The following PTPRT variants were observed in gnomAD, a reference collection of about 807,000 sequenced individuals.
The protein encoded by PTPRT is protein tyrosine phosphatase receptor type T.
A neutral mutation model predicts 176.8 loss-of-function variants in PTPRT; 56 were observed. That is an observed-to-expected ratio of 0.32 (90% CI 0.26 to 0.40). PTPRT has a LOEUF of 0.40. PTPRT is among the 10% of genes least tolerant of loss of function. The pLI is 1.00. For missense variants in PTPRT, 1,540 were observed against 1,908.2 expected (o/e 0.81, Z 3.60); for synonymous variants, 783 against 739.0 (o/e 1.06, Z -0.96).
chr20:42,604,022 G>A (rs1294660902), intron 7 of PTPRT, among the ~76,000 whole-genome samples: 1 of 152,108 alleles, frequency 6.6e-6, no homozygotes, highest in African/African-American at 2.4e-5. Flanking sequence ...TAAAAGATTA[G>A]CACATAAATA....
At chr20:42,360,169 C>A (rs1302583942) in intron 9 of PTPRT, among the ~76,000 whole-genome samples, 1 of 152,184 alleles carries the variant, frequency 6.6e-6, no homozygotes, top group Non-Finnish European at 1.5e-5. Context: ...GCCTACCATG[C>A]ATATGGCTCT....
In PTPRT at chr20:43,185,461, T is replaced by C. The variant is rs527888844; in HGVS notation, c.88+4185A>G. ...CCAAATGTTGTGTCCTGACGCAATATGTAGCCATTTGTGGTTTATCAACAC... is the reference window on the plus strand; with the variant it reads ...CCAAATGTTGTGTCCTGACGCAATACGTAGCCATTTGTGGTTTATCAACAC... On this transcript the variant is annotated intron_variant, in intron 1 of 30. Transcript: ENST00000373187. Among the ~76,000 whole-genome samples, 13 of 152,328 alleles carry C rather than the reference T, an allele frequency of 8.5e-5. No individual in the cohort carries two copies. The South Asian group carries it at 2.7e-3, about 32-fold the overall frequency.
At chr20:42,261,876 C>A (rs972265783) in intron 13 of PTPRT, among the ~76,000 whole-genome samples, 1 of 152,164 alleles carries the variant, frequency 6.6e-6, no homozygotes, top group African/African-American at 2.4e-5. Flanking sequence ...CCATCTGGGG[C>A]AGCTTTGTCC....
chr20:42,811,319 C>T (rs1246485169), intron 2 of PTPRT, among the ~76,000 whole-genome samples: 2 of 151,736 alleles, frequency 1.3e-5, no homozygotes, highest in African/African-American at 4.8e-5. Context: ...TGAGGATGGG[C>T]GGATGGACGG....
intron 11 of PTPRT, among the ~76,000 whole-genome samples, chr20:42,334,107 C>A (rs953979532): frequency 6.6e-6 from 1 of 152,112 alleles, no homozygotes; most frequent in Non-Finnish European, 1.5e-5. Flanking sequence ...AGATCAAGAA[C>A]CTGTGAATCA....
chr20:42,682,249 AT>A (rs1230094331), intron 6 of PTPRT, among the ~76,000 whole-genome samples: 1 of 152,236 alleles, frequency 6.6e-6, no homozygotes, highest in Non-Finnish European at 1.5e-5. Flanking sequence ...AAACAGAAGT[AT>A]TTTTATGCAT....
chr20:42,538,483 T>C (rs1395580702), intron 7 of PTPRT, among the ~76,000 whole-genome samples: 1 of 152,166 alleles, frequency 6.6e-6, no homozygotes, highest in East Asian at 1.9e-4. Flanking sequence ...AACACAAGCA[T>C]GTAAAAGCAT....
At chr20:42,911,821 T>C (rs1022393376) in intron 1 of PTPRT, among the ~76,000 whole-genome samples, 2 of 152,136 alleles carry the variant, frequency 1.3e-5, no homozygotes, top group African/African-American at 4.8e-5. Flanking sequence ...CAAAGAACAT[T>C]TGGAACCAGA....
Position 42,556,581 on chromosome 20 carries a change from T to C in PTPRT, c.1154-84019A>G, listed in dbSNP as rs772365030. On this transcript the variant is annotated intron_variant, in intron 7 of 30. Transcript: ENST00000373187. Reference sequence around the variant, plus strand: ...ATATATATCCCCTATCTATAATAGATAGATGAAGAAATTAAAGCTCAGAGA... The same window carrying C: ...ATATATATCCCCTATCTATAATAGACAGATGAAGAAATTAAAGCTCAGAGA... Among the ~76,000 whole-genome samples, 4 of 151,978 alleles carry C rather than the reference T, an allele frequency of 2.6e-5. No homozygotes were observed. In the South Asian group the frequency reaches 6.2e-4, roughly 24 times the overall value.
At chr20:43,081,260 G>A (rs1338668448) in intron 1 of PTPRT, among the ~76,000 whole-genome samples, 1 of 152,180 alleles carries the variant, frequency 6.6e-6, no homozygotes, top group Non-Finnish European at 1.5e-5. Flanking sequence ...ATTTTGGGAG[G>A]AGGAGAAAGT....
At chr20:42,759,939 G>A (rs2076890889) in intron 5 of PTPRT, among the ~76,000 whole-genome samples, 1 of 152,154 alleles carries the variant, frequency 6.6e-6, no homozygotes, top group Non-Finnish European at 1.5e-5. Flanking sequence ...GTGCTTTCAG[G>A]AGAAAGGATA....
chr20:42,224,762 C>T (rs1354471665), intron 15 of PTPRT, among the ~76,000 whole-genome samples: 1 of 152,186 alleles, frequency 6.6e-6, no homozygotes, highest in Admixed American at 6.5e-5. Context: ...GAGTGCCCTC[C>T]CGCAAATACA....
intron 7 of PTPRT, among the ~76,000 whole-genome samples, chr20:42,537,390 G>A (rs1213669598): frequency 3.9e-5 from 6 of 152,182 alleles, no homozygotes; most frequent in Non-Finnish European, 8.8e-5. Context: ...TCTGTCAGGT[G>A]TTGACTCTGA....
intron 26 of PTPRT, among the ~76,000 whole-genome samples, chr20:42,101,321 CTCTG>C (rs1490583651): frequency 2.6e-5 from 4 of 152,218 alleles, no homozygotes; most frequent in African/African-American, 7.2e-5. Flanking sequence ...AAGTCTCTTT[CTCTG>C]TCTGGCCTCT....
intron 1 of PTPRT, among the ~76,000 whole-genome samples, chr20:42,922,169 C>T (rs1979188962): frequency 6.6e-6 from 1 of 152,124 alleles, no homozygotes; most frequent in Non-Finnish European, 1.5e-5. Context: ...CTCCTGACCT[C>T]GTGATCCACC....
chr20:43,099,191 C>G (rs529987699), intron 1 of PTPRT, among the ~76,000 whole-genome samples: 20 of 152,186 alleles, frequency 1.3e-4, no homozygotes, highest in African/African-American at 4.6e-4. Context: ...TTAAATCTTC[C>G]TCCTATACCC....
At chr20:42,120,294 GT>G (rs1987519556) in intron 19 of PTPRT, among the ~76,000 whole-genome samples, 1 of 152,120 alleles carries the variant, frequency 6.6e-6, no homozygotes, top group South Asian at 2.1e-4. Flanking sequence ...GAGTTTCCAG[GT>G]TTATGGGGAG....
At chr20:43,083,351 T>TATACATATATATAC (rs2011510110) in intron 1 of PTPRT, among the ~76,000 whole-genome samples, 1 of 114,318 alleles carries the variant, frequency 8.7e-6, no homozygotes, top group Non-Finnish European at 1.8e-5. Context: ...TATATATATA[T>TATACATATATATAC]ATATATATAT....
At chr20:42,845,598 C>T (rs958602544) in intron 2 of PTPRT, among the ~76,000 whole-genome samples, 2 of 152,134 alleles carry the variant, frequency 1.3e-5, no homozygotes, top group Admixed American at 6.5e-5. Flanking sequence ...GCTATACCCA[C>T]GTGGGTCACA....
Sources: allele counts gnomAD v4.1 joint callset (sites outside exome capture counted in the v4.1 genomes callset), GRCh38; gene constraint gnomAD v4.1.1; transcripts MANE v1.5; gene names NCBI Gene and HGNC (gene_info 2026-07-23, HGNC 2026-07-21).